Variants in CDH20 observed in about 807,000 individuals in gnomAD.
CDH20 encodes the protein cadherin-20.
Under a neutral mutation model 74.2 loss-of-function variants are expected in CDH20, and 29 were observed. That is an observed-to-expected ratio of 0.39 (90% CI 0.29 to 0.53). The LOEUF (loss-of-function observed/expected upper bound fraction) is 0.53, where lower values mean the gene tolerates loss of function less well. Ranked by LOEUF, CDH20 falls within the 20% of genes least tolerant of loss-of-function variation. The pLI, the probability that CDH20 is intolerant of heterozygous loss-of-function variation, is 0.69. For synonymous variants in CDH20, 469 were observed against 405.4 expected, an observed-to-expected ratio of 1.16 and a Z score of -1.88; for missense variants, 988 against 1,048.3, an observed-to-expected ratio of 0.94 and a Z score of 0.79.
At chr18:61,527,416 A>G (rs1363871899) in intron 6 of CDH20, among the ~76,000 whole-genome samples, 3 of 53,452 alleles carry the variant, frequency 5.6e-5, no homozygotes, top group Non-Finnish European at 1.4e-4. Context: ...GATAGATAGA[A>G]TAGATATATG....
At chr18:61,348,486 T>G (rs934432119) in intron 1 of CDH20, among the ~76,000 whole-genome samples, 1 of 152,182 alleles carries the variant, frequency 6.6e-6, no homozygotes, top group Admixed American at 6.5e-5. Flanking sequence ...CAAAGCAGAC[T>G]GGGTTTCTGA....
chr18:61,538,591 T>TTTTG (rs1568182071), intron 8 of CDH20, among the ~76,000 whole-genome samples: 3 of 55,740 alleles, frequency 5.4e-5, no homozygotes, highest in Admixed American at 1.8e-4. Context: ...TTTGTTTGTT[T>TTTTG]GTTTGTTTTT....
intron 1 of CDH20, among the ~76,000 whole-genome samples, chr18:61,432,961 T>A (rs1035833856): frequency 6.6e-6 from 1 of 152,160 alleles, no homozygotes; most frequent in East Asian, 1.9e-4. Context: ...AGAAAAAACA[T>A]ACACCACATA....
chr18:61,531,645 T>A (rs2144378179), intron 7 of CDH20, among the ~76,000 whole-genome samples: 1 of 152,346 alleles, frequency 6.6e-6, no homozygotes, highest in East Asian at 1.9e-4. Context: ...TCTGATGTGA[T>A]CTGGCTCTGT....
At chr18:61,346,372 C>G (rs1002693490) in intron 1 of CDH20, among the ~76,000 whole-genome samples, 1 of 152,092 alleles carries the variant, frequency 6.6e-6, no homozygotes, top group African/African-American at 2.4e-5. Context: ...ACCTTTTATG[C>G]ATTTGATTCT....
At chr18:61,354,735 TATATTG>T (rs1910440959) in intron 1 of CDH20, among the ~76,000 whole-genome samples, 2 of 152,184 alleles carry the variant, frequency 1.3e-5, no homozygotes, top group Admixed American at 1.3e-4. Context: ...AACCCTAACA[TATATTG>T]ATATTATTTT....
At position 61,347,661 on chromosome 18, in the gene CDH20, G is replaced by C. The variant is rs546868996; in HGVS notation, c.-153+13834G>C. Among the ~76,000 whole-genome samples, 59 of 152,130 alleles carry C rather than the reference G, an allele frequency of 3.9e-4. No individual in the cohort carries two copies. The South Asian group carries it at 0.012, about 32-fold the overall frequency. On this transcript the variant is annotated intron_variant, in intron 1 of 11. Coordinates refer to ENST00000262717, the MANE Select transcript of CDH20 (RefSeq NM_031891.4). ...TTGTTTCAAATTCTATGCACACAAA[G>C]TGACTAGCTGTCAACAAAGATATAA...
intron 1 of CDH20, among the ~76,000 whole-genome samples, chr18:61,453,962 C>T (rs1296392962): frequency 6.6e-6 from 1 of 152,126 alleles, no homozygotes; most frequent in African/African-American, 2.4e-5. Flanking sequence ...ACTTCCTCAC[C>T]AGCATTTGGT....
chr18:61,425,173 G>A (rs1293683353), intron 1 of CDH20, among the ~76,000 whole-genome samples: 1 of 151,898 alleles, frequency 6.6e-6, no homozygotes, highest in Non-Finnish European at 1.5e-5. Flanking sequence ...CAAACCTGAG[G>A]TATGTTGAGG....
At chr18:61,499,153 T>G (rs1911271193) in intron 2 of CDH20, 33 bp from the exon 3 acceptor site, 1 of 1,486,626 alleles carries the variant, frequency 6.7e-7, no homozygotes, top group African/African-American at 1.4e-5. Context: ...CTGTTGACAT[T>G]CATGATGAGA....
intron 1 of CDH20, among the ~76,000 whole-genome samples, chr18:61,421,553 AAACT>A (rs1189790512): frequency 2.0e-5 from 3 of 152,190 alleles, no homozygotes; most frequent in African/African-American, 7.2e-5. Flanking sequence ...TTACAAATAT[AAACT>A]ATCACCTGGT....
chr18:61,526,468 T>C (rs1224313014), intron 6 of CDH20, among the ~76,000 whole-genome samples: 1 of 152,208 alleles, frequency 6.6e-6, no homozygotes, highest in Non-Finnish European at 1.5e-5. Context: ...AAAAAAGTGA[T>C]GTTTAGCTAG....
intron 2 of CDH20, among the ~76,000 whole-genome samples, chr18:61,492,546 T>A (rs1230817184): frequency 6.6e-6 from 1 of 152,224 alleles, no homozygotes; most frequent in Non-Finnish European, 1.5e-5. Context: ...TGGATCAGCC[T>A]GCCTCCTGGC....
At chr18:61,457,572 G>C (rs1482719174) in intron 1 of CDH20, among the ~76,000 whole-genome samples, 1 of 152,080 alleles carries the variant, frequency 6.6e-6, no homozygotes. Context: ...TCAATGCCAG[G>C]TCTGTTTCCT....
At chr18:61,538,595 TG>T (rs780117861) in intron 8 of CDH20, among the ~76,000 whole-genome samples, 10,265 of 36,424 alleles carry the variant, frequency 0.28, 2,139 homozygotes, top group Non-Finnish European at 0.33. Flanking sequence ...TTTGTTTGTT[TG>T]TTTTTGTTTT....
intron 1 of CDH20, among the ~76,000 whole-genome samples, chr18:61,351,454 A>C (rs1305065179): frequency 2.6e-5 from 4 of 152,194 alleles, no homozygotes; most frequent in African/African-American, 9.6e-5. Flanking sequence ...CTCATTTGAA[A>C]AGTGGGAGTA....
intron 1 of CDH20, among the ~76,000 whole-genome samples, chr18:61,417,817 T>C (rs528872414): frequency 4.1e-4 from 62 of 152,152 alleles, no homozygotes; most frequent in Non-Finnish European, 7.6e-4. Context: ...AATTGCAGTG[T>C]TCCTAACACA....
chr18:61,453,180 T>C (rs1909453188), intron 1 of CDH20, among the ~76,000 whole-genome samples: 1 of 152,178 alleles, frequency 6.6e-6, no homozygotes, highest in Non-Finnish European at 1.5e-5. Context: ...ACTCACTCCT[T>C]AATCCTTGGC....
At chr18:61,416,971 A>G (rs935079658) in intron 1 of CDH20, among the ~76,000 whole-genome samples, 9 of 152,348 alleles carry the variant, frequency 5.9e-5, no homozygotes, top group African/African-American at 2.2e-4. Flanking sequence ...TTTGGTTTAA[A>G]AGGGAAAATA....
Sources: gnomAD v4.1 joint callset for allele counts (sites outside exome capture counted in the v4.1 genomes callset) on GRCh38, gnomAD v4.1.1 for gene constraint, MANE v1.5 for transcripts, NCBI Gene and HGNC (gene_info 2026-07-23, HGNC 2026-07-21) for gene names.